MAF: variants seen among roughly 807,000 people sequenced by gnomAD.
The protein encoded by MAF is transcription factor Maf.
Under a neutral mutation model 22.0 loss-of-function variants are expected in MAF, and 10 were observed. The ratio of observed to expected loss-of-function variants is 0.45; its 90% CI spans 0.28 to 0.77. MAF has a LOEUF of 0.77. MAF is among the 30% of genes least tolerant of loss of function. MAF has a pLI of 0.12. For synonymous variants in MAF, 337 were observed against 255.8 expected (o/e 1.32, Z -3.03); for missense variants, 544 against 548.4 (o/e 0.99, Z 0.08).
At chr16:79,481,705 C>T in the MAF span, among the ~76,000 whole-genome samples, 1 of 152,146 alleles carries the variant, frequency 6.6e-6, no homozygotes, top group East Asian at 1.9e-4. Flanking sequence ...TTCAGCCATC[C>T]ACCCACCCAT....
the MAF span, among the ~76,000 whole-genome samples, chr16:79,361,746 G>A: frequency 0.036 from 5,473 of 151,472 alleles, 120 homozygotes; most frequent in African/African-American, 0.055. Context: ...GGTGAAGTTC[G>A]GTGCTGAATC....
At chr16:79,341,431 CATCTCTTCTCAACTCACACCTCTTTGGT>C in the MAF span, among the ~76,000 whole-genome samples, 6 of 152,202 alleles carry the variant, frequency 3.9e-5, no homozygotes, top group Admixed American at 2.0e-4. Flanking sequence ...TGACTTCATG[CATCTCTTCTCAACTCACACCTCTTTGGT>C]ATCTCTTCTC....
At chr16:79,584,284 A>G (rs1912708439), downstream of MAF, among the ~76,000 whole-genome samples, 1 of 152,218 alleles carries the variant, frequency 6.6e-6, no homozygotes, top group African/African-American at 2.4e-5. Context: ...TCCCTTAACC[A>G]AAGTGACATT....
chr16:79,484,205 C>G, the MAF span, among the ~76,000 whole-genome samples: 1 of 152,208 alleles, frequency 6.6e-6, no homozygotes, highest in East Asian at 1.9e-4. Flanking sequence ...ACATCAGAAC[C>G]AAGGCAACCG....
the MAF span, among the ~76,000 whole-genome samples, chr16:79,568,820 A>G: frequency 6.6e-6 from 1 of 152,210 alleles, no homozygotes; most frequent in Admixed American, 6.5e-5. Context: ...TCTAACAGAA[A>G]TGGCAATAAT....
At chr16:79,401,700 T>G in the MAF span, among the ~76,000 whole-genome samples, 1 of 152,134 alleles carries the variant, frequency 6.6e-6, no homozygotes, top group African/African-American at 2.4e-5. Flanking sequence ...AATGAAATTT[T>G]CGGGCCGTGT....
the MAF span, among the ~76,000 whole-genome samples, chr16:79,394,806 G>C: frequency 2.6e-5 from 4 of 152,218 alleles, no homozygotes; most frequent in East Asian, 7.8e-4. Flanking sequence ...TAAAGCTCTA[G>C]GGTGATTCTC....
At chr16:79,596,213 C>T in intron 1 of MAF, 2 of 1,061,444 alleles carry the variant, frequency 1.9e-6, no homozygotes, top group Non-Finnish European at 2.3e-6. Flanking sequence ...GTTTTTCCTA[C>T]CAAGGGCAAT....
chr16:79,515,008 C>T, the MAF span, among the ~76,000 whole-genome samples: 1 of 152,192 alleles, frequency 6.6e-6, no homozygotes, highest in African/African-American at 2.4e-5. Context: ...ATGAAAGATG[C>T]TTCATACTGG....
chr16:79,395,829 G>C, the MAF span, among the ~76,000 whole-genome samples: 1 of 152,182 alleles, frequency 6.6e-6, no homozygotes, highest in Non-Finnish European at 1.5e-5. Context: ...TCAAACAGTA[G>C]GGAGAGGTGG....
the MAF span, among the ~76,000 whole-genome samples, chr16:79,271,971 A>G: frequency 1.3e-5 from 2 of 151,954 alleles, no homozygotes; most frequent in African/African-American, 4.8e-5. Context: ...TCCAAGAGGG[A>G]TTTTTCTGCC....
At chr16:79,219,847 C>T in the MAF span, among the ~76,000 whole-genome samples, 1 of 152,092 alleles carries the variant, frequency 6.6e-6, no homozygotes, top group South Asian at 2.1e-4. Context: ...TGGTAATTTA[C>T]CTGAATGTGG....
the MAF span, among the ~76,000 whole-genome samples, chr16:79,545,610 C>A: frequency 2.6e-5 from 4 of 151,928 alleles, no homozygotes; most frequent in South Asian, 2.1e-4. Context: ...CAACCCCCAC[C>A]CCCCCACAGA....
At chr16:79,256,848 A>G in the MAF span, among the ~76,000 whole-genome samples, 572 of 152,310 alleles carry the variant, frequency 3.8e-3, 2 homozygotes, top group Non-Finnish European at 6.6e-3. Context: ...CAAATGTCAT[A>G]GAACTACACG....
the MAF span, among the ~76,000 whole-genome samples, chr16:79,208,316 C>T: frequency 6.6e-6 from 1 of 152,044 alleles, no homozygotes; most frequent in African/African-American, 2.4e-5. Flanking sequence ...GGATAGACAC[C>T]TCCCCCGTTT....
the MAF span, among the ~76,000 whole-genome samples, chr16:79,559,388 A>C: frequency 4.3e-4 from 65 of 152,328 alleles, no homozygotes; most frequent in African/African-American, 1.4e-3. Context: ...TTCTAAAGGC[A>C]TGACAACTGG....
chr16:79,290,082 C>A, the MAF span, among the ~76,000 whole-genome samples: 77,269 of 151,770 alleles, frequency 0.51, 22,189 homozygotes, highest in Admixed American at 0.63. Context: ...TGGTCTCTAT[C>A]TCTTGACCTT....
chr16:79,347,021 G>C, the MAF span, among the ~76,000 whole-genome samples: 1 of 152,142 alleles, frequency 6.6e-6, no homozygotes, highest in Non-Finnish European at 1.5e-5. Context: ...CTCACACTCA[G>C]CCAAATGGCA....
chr16:79,355,509 A>G, the MAF span, among the ~76,000 whole-genome samples: 1 of 152,330 alleles, frequency 6.6e-6, no homozygotes, highest in East Asian at 1.9e-4. Context: ...GGAGCCTGGA[A>G]TTTGGTGCTG....
Sources: gnomAD v4.1 joint callset for allele counts (sites outside exome capture counted in the v4.1 genomes callset) on GRCh38, gnomAD v4.1.1 for gene constraint, MANE v1.5 for transcripts, NCBI Gene and HGNC (gene_info 2026-07-23, HGNC 2026-07-21) for gene names.